XRRA1: variants seen among roughly 807,000 people sequenced by gnomAD.
The protein encoded by XRRA1 is X-ray radiation resistance associated 1.
A neutral mutation model predicts 80.2 loss-of-function variants in XRRA1; 69 were observed. That is an observed-to-expected ratio of 0.86 (90% CI 0.71 to 1.05). The LOEUF is 1.05. Among genes scored for constraint, XRRA1 ranks in the 50% least tolerant of loss-of-function variants. XRRA1 has a pLI of 0.00. For synonymous variants in XRRA1, 348 were observed against 389.9 expected (o/e 0.89, Z 1.27); for missense variants, 967 against 976.4 (o/e 0.99, Z 0.13).
At chr11:74,886,390 A>G (rs549767149) in intron 10 of XRRA1, among the ~76,000 whole-genome samples, 1 of 152,300 alleles carries the variant, frequency 6.6e-6, no homozygotes, top group South Asian at 2.1e-4. Context: ...CAATGTACAA[A>G]ATTCAATAGC....
chr11:74,866,056 C>T (rs965724293), intron 10 of XRRA1, among the ~76,000 whole-genome samples: 2 of 152,092 alleles, frequency 1.3e-5, no homozygotes, highest in Non-Finnish European at 2.9e-5. Context: ...ACTACAAAGG[C>T]AAAAATAAAT....
At chr11:74,941,002 C>CAGGGTGTCGGAGGCA in intron 2 of XRRA1, 120 bp from the exon 3 acceptor site, 1 of 691,784 alleles carries the variant, frequency 1.4e-6, no homozygotes, top group Non-Finnish European at 2.5e-6. Flanking sequence ...ACCCTGCCTC[C>CAGGGTGTCGGAGGCA]GACACCCTGG....
chr11:74,930,583 C>T (rs574571538), intron 5 of XRRA1, among the ~76,000 whole-genome samples: 1 of 152,170 alleles, frequency 6.6e-6, no homozygotes, highest in South Asian at 2.1e-4. Context: ...GAAAAGTATA[C>T]GGAATGACAC....
intron 10 of XRRA1, among the ~76,000 whole-genome samples, chr11:74,876,088 T>G (rs1214693491): frequency 2.0e-5 from 3 of 152,190 alleles, no homozygotes; most frequent in African/African-American, 7.2e-5. Context: ...TGTTTGTTAC[T>G]TAATGAAATA....
At chr11:74,849,828 TG>T (rs1368377508) in intron 14 of XRRA1, among the ~76,000 whole-genome samples, 1 of 152,212 alleles carries the variant, frequency 6.6e-6, no homozygotes, top group African/African-American at 2.4e-5. Context: ...GTTACAGGCC[TG>T]CTCTGGCAGG....
At chr11:74,869,365 T>G (rs2044240504) in intron 10 of XRRA1, among the ~76,000 whole-genome samples, 1 of 151,830 alleles carries the variant, frequency 6.6e-6, no homozygotes, top group Admixed American at 6.6e-5. Context: ...GGTAAAAGAG[T>G]CCTCAGCAAA....
chr11:74,896,271 A>G (rs1725931857), intron 10 of XRRA1, among the ~76,000 whole-genome samples: 1 of 152,154 alleles, frequency 6.6e-6, no homozygotes, highest in Admixed American at 6.5e-5. Flanking sequence ...TTCTGGGCCC[A>G]CTCTGGGCAA....
intron 1 of XRRA1, among the ~76,000 whole-genome samples, chr11:74,947,313 G>A (rs1178330239): frequency 6.6e-6 from 1 of 152,092 alleles, no homozygotes; most frequent in Non-Finnish European, 1.5e-5. Flanking sequence ...ATCACTTGAG[G>A]TCATGAGTTC....
chr11:74,931,510 G>A (rs892627468), intron 5 of XRRA1, among the ~76,000 whole-genome samples: 1 of 151,344 alleles, frequency 6.6e-6, no homozygotes, highest in African/African-American at 2.4e-5. Flanking sequence ...TTTTTAGTAG[G>A]GACAAGGTTT....
Position 74,851,172 on chromosome 11 carries a change from C to T in XRRA1, c.1296G>A (p.Gln432=), listed in dbSNP as rs765448578. 6.2e-7 allele frequency: 1 copy of T among 1,612,784 alleles called. No homozygotes were observed. The highest frequency in any genetic ancestry group is 8.5e-7 in the Non-Finnish European group (1 of 1,179,340). The change falls in exon 14 of 19, where the codon CAG becomes CAA. Residue 432 remains glutamine, a synonymous_variant. Transcript: ENST00000684022. ...GAATTAAGTGGATTCCCAGTCGCTC[C>T]TGGAGGAAGCTCTTCAGCAGTGGAG... ...GVPPLLKSFL[Q]ERLGIHLIRR...
chr11:74,851,252 T>TGG, intron 13 of XRRA1, 49 bp from the exon 14 acceptor site: 1 of 1,402,426 alleles, frequency 7.1e-7, no homozygotes. Context: ...AAATTTATAC[T>TGG]GGGGCTTACT....
Position 74,943,569 on chromosome 11 carries a change from C to CAGAGAG in XRRA1, c.-5+1443_-5+1448dup, listed in dbSNP as rs141326220. Among the ~76,000 whole-genome samples, 255 of 86,688 alleles carry CAGAGAG rather than the reference C, an allele frequency of 2.9e-3. 1 individual carries two copies. Among genetic ancestry groups the CAGAGAG allele is most frequent in the African/African-American group, 9.9e-3 (245 of 24,756 alleles). The allele number at this position is 86,688 out of a possible 152,430, so 56.9% of individuals were successfully genotyped here. A position where few individuals can be genotyped will look rare whatever the true frequency, so the allele number is the denominator to read the frequency against. On this transcript the variant is annotated intron_variant, in intron 2 of 18. Transcript: ENST00000684022. ...TGTGTGTGTGTGTGTGTGTATGTGT[C>CAGAGAG]AGAGAGAGAGAGAGAGAGAGTGCAC...
intron 8 of XRRA1, chr11:74,919,801 G>A (rs543913152): frequency 2.4e-6 from 1 of 423,232 alleles, no homozygotes; most frequent in Non-Finnish European, 4.6e-6. Flanking sequence ...CAACAAGGCT[G>A]TCTGGGCCAA....
chr11:74,883,271 T>A (rs1221561762), intron 10 of XRRA1, among the ~76,000 whole-genome samples: 3 of 152,208 alleles, frequency 2.0e-5, no homozygotes, highest in Non-Finnish European at 2.9e-5. Context: ...GTGACCTGAT[T>A]TTCCAGGTGC....
Position 74,843,010 on chromosome 11 carries a change from C to G in XRRA1, c.*190G>C, listed in dbSNP as rs2036809096. ...TCTTTATTGCCGCTGGGCCAGGCACCAGGTCATGCCTGGGCCAAGGAGGGG... is the reference window on the plus strand; with the variant it reads ...TCTTTATTGCCGCTGGGCCAGGCACGAGGTCATGCCTGGGCCAAGGAGGGG... On this transcript the variant is annotated 3_prime_UTR_variant, in exon 19 of 19. Transcript: ENST00000684022. The G allele has an allele frequency of 4.2e-6, 3 of 715,066 alleles. No individual in the cohort carries two copies. The highest frequency in any genetic ancestry group is 3.0e-5 in the Admixed American group (1 of 33,238). The allele number at this position is 715,066 out of a possible 1,614,324, so 44.3% of individuals were successfully genotyped here. A position where few individuals can be genotyped will look rare whatever the true frequency, so the allele number is the denominator to read the frequency against.
chr11:74,893,554 AAAAAAT>A (rs1465007744), intron 10 of XRRA1, among the ~76,000 whole-genome samples: 4 of 152,140 alleles, frequency 2.6e-5, no homozygotes, highest in African/African-American at 9.7e-5. Context: ...GAAGTATAAT[AAAAAAT>A]AAAAATAAAT....
chr11:74,856,056 C>T (rs569806313), intron 12 of XRRA1, among the ~76,000 whole-genome samples: 2 of 152,218 alleles, frequency 1.3e-5, no homozygotes, highest in Admixed American at 6.5e-5. Context: ...TGCTTGAACC[C>T]GGGAGGTGGA....
chr11:74,940,677 G>A (rs1005336961), intron 3 of XRRA1, 108 bp downstream of exon 3: 23 of 882,246 alleles, frequency 2.6e-5, no homozygotes, highest in Non-Finnish European at 7.2e-6. Context: ...GGATTAGGTA[G>A]AGCAGGGAAC....
chr11:74,852,635 G>A (rs2040160942), intron 12 of XRRA1, among the ~76,000 whole-genome samples: 1 of 152,220 alleles, frequency 6.6e-6, no homozygotes, highest in Non-Finnish European at 1.5e-5. Context: ...TAGAGCCAGT[G>A]TTAAGAGAGA....
Sources: allele counts gnomAD v4.1 joint callset (sites outside exome capture counted in the v4.1 genomes callset), GRCh38; gene constraint gnomAD v4.1.1; transcripts MANE v1.5; gene names NCBI Gene and HGNC (gene_info 2026-07-23, HGNC 2026-07-21).